GBP7: variants seen among roughly 807,000 people sequenced by gnomAD.
GBP7 encodes the protein guanylate binding protein 7.
Under a neutral mutation model 61.3 loss-of-function variants are expected in GBP7, and 43 were observed. That is an observed-to-expected ratio of 0.70 (90% CI 0.55 to 0.91). The LOEUF is 0.91. Among genes scored for constraint, GBP7 ranks in the 40% least tolerant of loss-of-function variants. The pLI, the probability that GBP7 is intolerant of heterozygous loss-of-function variation, is 0.00. For synonymous variants in GBP7, 267 were observed against 271.0 expected, an observed-to-expected ratio of 0.99 and a Z score of 0.14; for missense variants, 717 against 740.5, an observed-to-expected ratio of 0.97 and a Z score of 0.37.
chr1:89,137,948 G>A (rs937810659), intron 9 of GBP7, among the ~76,000 whole-genome samples: 1 of 152,064 alleles, frequency 6.6e-6, no homozygotes, highest in African/African-American at 2.4e-5. Flanking sequence ...CATCAGCAAA[G>A]TTTCAGGATA....
rs190471831 is a variant in GBP7 at position 89,156,645 on chromosome 1, A to G, written c.319-3868T>C. On this transcript the variant is annotated intron_variant, in intron 3 of 10. Coordinates refer to ENST00000294671, the MANE Select transcript of GBP7 (RefSeq NM_207398.3). ...ATAATGATAAAGGGATCAATTCAAC[A>G]ACAAGAGCTAACTATCCTAAATATA... 1.6e-4 allele frequency among the ~76,000 whole-genome samples: 24 copies of G among 152,338 alleles called. 1 individual carries two copies. The East Asian group carries it at 4.0e-3, about 26-fold the overall frequency.
intron 1 of GBP7, among the ~76,000 whole-genome samples, chr1:89,172,671 C>T (rs963898967): frequency 2.0e-5 from 3 of 152,084 alleles, no homozygotes; most frequent in African/African-American, 7.2e-5. Flanking sequence ...CAGATTTCGC[C>T]ACCTTAAAGA....
At chr1:89,146,061 C>A (rs1162583972) in intron 8 of GBP7, among the ~76,000 whole-genome samples, 7 of 152,116 alleles carry the variant, frequency 4.6e-5, no homozygotes, top group Non-Finnish European at 1.0e-4. Flanking sequence ...ACTTCAAAAT[C>A]TACTACAAAG....
intron 3 of GBP7, 61 bp from the exon 4 acceptor site, chr1:89,152,838 A>C: frequency 7.4e-7 from 1 of 1,354,562 alleles, no homozygotes; most frequent in Non-Finnish European, 1.0e-6. Flanking sequence ...TCTCAAGGTC[A>C]ACTACTTGTA....
In GBP7 at chr1:89,133,322, T is replaced by A. The variant is rs918295081; in HGVS notation, c.1598A>T (p.Lys533Met). The change falls in exon 10 of 11, where the codon AAG (lysine) becomes ATG (methionine). Residue 533 changes from lysine (K) to methionine (M), a missense_variant. By Grantham distance (95) the Lys-to-Met change is moderately conservative. This residue lies in a region of GBP7 where 312 missense variants were observed against 310.1 expected (regional missense o/e 1.01). Coordinates refer to ENST00000294671, the MANE Select transcript of GBP7 (RefSeq NM_207398.3). ...ATAGTTTTCCCTTTCCCTCTCCATC[T>A]TCTTCTTGAGTTGAGCTATGTTTTC... ...FQENIAQLKK[K>M]MERERENYMR... The A allele has an allele frequency of 3.7e-6, 6 of 1,613,884 alleles. No individual in the cohort carries two copies. In the African/African-American group the frequency reaches 5.3e-5, roughly 14 times the overall value.
Position 89,133,461 on chromosome 1 carries a change from C to T in GBP7, c.1469-10G>A, listed in dbSNP as rs200981562. 106 of 1,612,394 alleles carry T rather than the reference C, an allele frequency of 6.6e-5. No homozygotes were observed. The highest frequency in any genetic ancestry group is 3.3e-4 in the Middle Eastern group (2 of 6,060). On this transcript the variant is annotated splice_polypyrimidine_tract_variant and intron_variant, in intron 9 of 10. Transcript: ENST00000294671. Reference sequence around the variant, plus strand: ...TTCTTAGCCTGCTTAGCTGTTCCACCGAGGTTTTACAGAGGGAAGAAAATA... The same window carrying T: ...TTCTTAGCCTGCTTAGCTGTTCCACTGAGGTTTTACAGAGGGAAGAAAATA...
chr1:89,161,215 A>C (rs1281388331), intron 3 of GBP7, among the ~76,000 whole-genome samples: 1 of 151,872 alleles, frequency 6.6e-6, no homozygotes, highest in East Asian at 1.9e-4. Context: ...TGTCTTTGCT[A>C]TTGTGCCATA....
intron 10 of GBP7, among the ~76,000 whole-genome samples, 179 bp downstream of exon 10, chr1:89,133,079 A>C (rs1681715401): frequency 6.6e-6 from 1 of 152,236 alleles, no homozygotes; most frequent in Non-Finnish European, 1.5e-5. Flanking sequence ...CATGACAGAA[A>C]GTGCTGAAGT....
At chr1:89,143,270 TG>T (rs1217786774) in intron 8 of GBP7, among the ~76,000 whole-genome samples, 1 of 152,214 alleles carries the variant, frequency 6.6e-6, no homozygotes, top group Non-Finnish European at 1.5e-5. Flanking sequence ...TTACCTGACC[TG>T]TACTAGGCTT....
At chr1:89,141,723 A>G in intron 8 of GBP7, 75 bp from the exon 9 acceptor site, 1 of 1,114,902 alleles carries the variant, frequency 9.0e-7, no homozygotes. Flanking sequence ...TTATTGTTCA[A>G]CAAAGCCACA....
intron 1 of GBP7, among the ~76,000 whole-genome samples, chr1:89,174,423 G>C (rs1647685376): frequency 6.6e-6 from 1 of 152,068 alleles, no homozygotes; most frequent in East Asian, 1.9e-4. Flanking sequence ...TGCCCCGCTT[G>C]CTCTTCTGAA....
rs116312659 is a variant in GBP7, at chr1:89,143,934, T to C, written c.1366-2286A>G. On this transcript the variant is annotated intron_variant, in intron 8 of 10. Coordinates refer to ENST00000294671, the MANE Select transcript of GBP7 (RefSeq NM_207398.3). ...CATGCAGGTTTGTTACATGACTATA[T>C]TGCGTGATACTGAGGTTTGGGCTTC... Among the ~76,000 whole-genome samples, 1,345 of 152,244 alleles carry C rather than the reference T, an allele frequency of 8.8e-3. 14 individuals carry two copies. Among genetic ancestry groups the C allele is most frequent in the African/African-American group, 0.031 (1,278 of 41,554 alleles).
Position 89,132,244 on chromosome 1 carries a change from G to A in GBP7, c.1822C>T (p.Leu608=). The A allele has an allele frequency of 6.2e-7, 1 of 1,613,892 alleles. No homozygotes were observed. The highest frequency in any genetic ancestry group is 8.5e-7 in the Non-Finnish European group (1 of 1,179,846). The change falls in exon 11 of 11, where the codon CTA becomes TTA. Residue 608 remains leucine (L), a synonymous_variant. Transcript: ENST00000294671. The part of the protein sequence containing the change: ...DVAGSIFIAA[L]PGAAKLVDLG... Reference sequence around the variant, plus strand: ...TCAACTAGCTTAGCAGCCCCAGGTAGTGCTGCAATAAATATACTGCCAGCC... The same window carrying A: ...TCAACTAGCTTAGCAGCCCCAGGTAATGCTGCAATAAATATACTGCCAGCC...
chr1:89,148,937 A>C (rs1260235913), intron 7 of GBP7, among the ~76,000 whole-genome samples: 2 of 152,226 alleles, frequency 1.3e-5, no homozygotes, highest in Admixed American at 6.5e-5. Context: ...TGGATTATGA[A>C]ATTACTAAAT....
chr1:89,169,243 T>A (rs535870873), intron 2 of GBP7, among the ~76,000 whole-genome samples: 1 of 152,340 alleles, frequency 6.6e-6, no homozygotes, highest in East Asian at 1.9e-4. Context: ...CCTTTGCTTG[T>A]GTATGTATTT....
At chr1:89,134,671 A>G (rs1432915863) in intron 9 of GBP7, among the ~76,000 whole-genome samples, 1 of 152,168 alleles carries the variant, frequency 6.6e-6, no homozygotes, top group Non-Finnish European at 1.5e-5. Context: ...AGAGAATAAA[A>G]CAAAATAAAA....
chr1:89,171,730 T>C lies in GBP7; in HGVS notation c.190+16A>G. 1 of 1,610,644 alleles carries C rather than the reference T, an allele frequency of 6.2e-7. No homozygotes were observed. The highest frequency in any genetic ancestry group is 8.5e-7 in the Non-Finnish European group (1 of 1,178,204). On this transcript the variant is annotated intron_variant, in intron 2 of 10. Coordinates refer to ENST00000294671, the MANE Select transcript of GBP7 (RefSeq NM_207398.3). ...GGACAGATGGGGCTCATCCATGCTTTGCTGGTGCCACTCACCTTTGTTCTT... is the reference window on the plus strand; with the variant it reads ...GGACAGATGGGGCTCATCCATGCTTCGCTGGTGCCACTCACCTTTGTTCTT...
chr1:89,138,131 A>G (rs1681850835), intron 9 of GBP7, among the ~76,000 whole-genome samples: 1 of 152,184 alleles, frequency 6.6e-6, no homozygotes, highest in Non-Finnish European at 1.5e-5. Flanking sequence ...TGAGAATTAT[A>G]AAACACTGCT....
At position 89,149,296 on chromosome 1, in the gene GBP7, A is replaced by G. The variant is rs372954977; in HGVS notation, c.1148T>C (p.Leu383Pro). The G allele has an allele frequency of 8.1e-6, 13 of 1,600,474 alleles. No homozygotes were observed. Among genetic ancestry groups the G allele is most frequent in the African/African-American group, 6.7e-5 (5 of 74,442 alleles). The change falls in exon 7 of 11, where the codon CTT becomes CCT. Residue 383 changes from leucine (L) to proline (P), a missense_variant. Physicochemically the swap from Leu to Pro is moderately conservative, Grantham distance 98 (BLOSUM62 -3). Around this residue, in one of 3 missense-constraint regions of GBP7, gnomAD observed 312 missense variants for 310.1 expected, o/e 1.01. Coordinates refer to ENST00000294671, the MANE Select transcript of GBP7 (RefSeq NM_207398.3). Reference sequence around the variant, plus strand: ...AAAAAAAATAACAAAGATTACCACAAGCTTCTTCTGAAATTCCTGGCTTTT... The same window carrying G: ...AAAAAAAATAACAAAGATTACCACAGGCTTCTTCTGAAATTCCTGGCTTTT... Reference protein sequence around the residue: ...KDKSQEFQKKLVDTMEKKKED... With the variant: ...KDKSQEFQKKPVDTMEKKKED...
Sources: gnomAD v4.1 joint callset for allele counts (sites outside exome capture counted in the v4.1 genomes callset) on GRCh38, gnomAD v4.1.1 for gene constraint, gnomAD v4.1.1 regional missense constraint, MANE v1.5 for transcripts, NCBI Gene and HGNC (gene_info 2026-07-23, HGNC 2026-07-21) for gene names.